GPC5: variants seen among roughly 807,000 people sequenced by gnomAD.
GPC5 encodes the protein glypican 5.
In GPC5, 47 loss-of-function variants were observed where a neutral mutation model predicts 53.9. The ratio of observed to expected loss-of-function variants is 0.87; its 90% CI spans 0.69 to 1.11. GPC5 has a LOEUF of 1.11. Among genes scored for constraint, GPC5 ranks in the 50% most tolerant of loss-of-function variants. GPC5 has a pLI of 0.00. For missense variants in GPC5, 748 were observed against 713.1 expected (o/e 1.05, Z -0.56); for synonymous variants, 286 against 263.3 (o/e 1.09, Z -0.84).
chr13:92,171,246 A>G (rs1255277843), intron 7 of GPC5, among the ~76,000 whole-genome samples: 1 of 152,062 alleles, frequency 6.6e-6, no homozygotes, highest in Non-Finnish European at 1.5e-5. Flanking sequence ...ATCCTCAGAG[A>G]CTTTGCTTTA....
At chr13:91,478,531 T>A (rs1257601214) in intron 2 of GPC5, among the ~76,000 whole-genome samples, 1 of 151,838 alleles carries the variant, frequency 6.6e-6, no homozygotes, top group Non-Finnish European at 1.5e-5. Context: ...TTTTACATTA[T>A]TTTTCACATT....
chr13:92,779,271 A>G (rs1350379425), intron 7 of GPC5, among the ~76,000 whole-genome samples: 1 of 152,058 alleles, frequency 6.6e-6, no homozygotes, highest in Non-Finnish European at 1.5e-5. Context: ...ACCCACCCCC[A>G]TGATTCAATT....
intron 7 of GPC5, among the ~76,000 whole-genome samples, chr13:92,777,529 G>A (rs923978697): frequency 9.9e-5 from 15 of 152,092 alleles, no homozygotes; most frequent in African/African-American, 2.4e-4. Flanking sequence ...TTGGGAGGCT[G>A]AGGCAGGAGA....
chr13:91,878,186 G>A (rs1178116512), intron 5 of GPC5, among the ~76,000 whole-genome samples: 2 of 152,142 alleles, frequency 1.3e-5, no homozygotes, highest in African/African-American at 2.4e-5. Flanking sequence ...TTATTTTGAA[G>A]TAGTTTGTGT....
chr13:92,229,390 A>G (rs970298788), intron 7 of GPC5, among the ~76,000 whole-genome samples: 6 of 152,086 alleles, frequency 3.9e-5, no homozygotes, highest in African/African-American at 1.4e-4. Context: ...GTTAATTGAG[A>G]GATGGAACAA....
intron 7 of GPC5, among the ~76,000 whole-genome samples, chr13:92,408,653 C>CACACACACAT (rs1555333402): frequency 6.1e-5 from 9 of 147,018 alleles, no homozygotes; most frequent in African/African-American, 1.0e-4. Context: ...CACACACACA[C>CACACACACAT]ATATAATACA....
intron 1 of GPC5, among the ~76,000 whole-genome samples, chr13:91,416,472 A>T (rs1268619461): frequency 6.6e-6 from 1 of 151,202 alleles, no homozygotes; most frequent in Non-Finnish European, 1.5e-5. Flanking sequence ...TATTATTATT[A>T]TTATACTTTA....
At chr13:92,242,029 T>A (rs1311722898) in intron 7 of GPC5, 1 of 152,444 alleles carries the variant, frequency 6.6e-6, no homozygotes, top group East Asian at 1.9e-4. Context: ...GGTCAGGAGT[T>A]CGAGACCAGC....
intron 7 of GPC5, among the ~76,000 whole-genome samples, chr13:92,769,536 G>A (rs754656673): frequency 3.9e-5 from 6 of 151,934 alleles, no homozygotes; most frequent in African/African-American, 9.7e-5. Context: ...CCAAGAGTTC[G>A]AGACCAACCT....
chr13:91,458,644 C>A (rs1881721075), intron 2 of GPC5, among the ~76,000 whole-genome samples: 2 of 152,198 alleles, frequency 1.3e-5, no homozygotes, highest in Non-Finnish European at 2.9e-5. Context: ...CACTTTTACA[C>A]TACTGGTGGG....
chr13:91,440,693 C>T (rs1880356829), intron 1 of GPC5, among the ~76,000 whole-genome samples: 1 of 152,168 alleles, frequency 6.6e-6, no homozygotes, highest in African/African-American at 2.4e-5. Flanking sequence ...ATTATTCTGA[C>T]TCTGGATTCT....
chr13:91,928,818 A>G (rs1455570633), intron 6 of GPC5, among the ~76,000 whole-genome samples: 1 of 152,158 alleles, frequency 6.6e-6, no homozygotes, highest in African/African-American at 2.4e-5. Context: ...GTAGACGTAA[A>G]GACATTATAA....
At chr13:91,676,802 A>G (rs909726168) in intron 2 of GPC5, among the ~76,000 whole-genome samples, 17 of 152,208 alleles carry the variant, frequency 1.1e-4, no homozygotes, top group African/African-American at 1.9e-4. Flanking sequence ...CATCCAGAGA[A>G]TGCTTTTGAT....
At chr13:91,615,540 G>A (rs11619647) in intron 2 of GPC5, among the ~76,000 whole-genome samples, 7,025 of 152,238 alleles carry the variant, frequency 0.046, 324 homozygotes, top group South Asian at 0.21. Context: ...ACTAACAGAA[G>A]TTTCTCCCTT....
At chr13:91,698,823 TGAA>T (rs2035936026) in intron 3 of GPC5, among the ~76,000 whole-genome samples, 1 of 152,226 alleles carries the variant, frequency 6.6e-6, no homozygotes, top group Non-Finnish European at 1.5e-5. Flanking sequence ...TTTTGAGTGA[TGAA>T]GAAGAGGTGG....
intron 7 of GPC5, among the ~76,000 whole-genome samples, chr13:92,539,499 C>T (rs1407759611): frequency 6.6e-6 from 1 of 151,996 alleles, no homozygotes; most frequent in Non-Finnish European, 1.5e-5. Context: ...ATCCTTTGTG[C>T]ACTTTTTGAT....
chr13:91,849,540 T>A (rs1335862735), intron 5 of GPC5, among the ~76,000 whole-genome samples: 1 of 152,228 alleles, frequency 6.6e-6, no homozygotes, highest in African/African-American at 2.4e-5. Flanking sequence ...TATTAAAGTT[T>A]GTGTATTCTG....
intron 7 of GPC5, among the ~76,000 whole-genome samples, chr13:92,792,779 T>C (rs371804989): frequency 9.2e-4 from 140 of 151,836 alleles, no homozygotes; most frequent in South Asian, 8.5e-3. Flanking sequence ...AGATCAAAAA[T>C]GGCAAGGAAA....
intron 5 of GPC5, among the ~76,000 whole-genome samples, chr13:91,788,838 A>C (rs1387752249): frequency 6.6e-6 from 1 of 152,220 alleles, no homozygotes; most frequent in Admixed American, 6.5e-5. Context: ...GGGGAATAAA[A>C]GGAAACTTTG....
Sources: gnomAD v4.1 joint callset for allele counts (sites outside exome capture counted in the v4.1 genomes callset) on GRCh38, gnomAD v4.1.1 for gene constraint, MANE v1.5 for transcripts, NCBI Gene and HGNC (gene_info 2026-07-23, HGNC 2026-07-21) for gene names.